The following MMS22L variants were observed in gnomAD, a reference collection of about 807,000 sequenced individuals.
MMS22L encodes protein MMS22-like.
MMS22L carries 74 observed loss-of-function variants against 159.1 expected under a neutral mutation model. The ratio of observed to expected loss-of-function variants is 0.47; its 90% CI spans 0.39 to 0.56. MMS22L has a LOEUF of 0.56. Among genes scored for constraint, MMS22L ranks in the 20% least tolerant of loss-of-function variants. MMS22L has a pLI of 0.00. For missense variants in MMS22L, 1,351 were observed against 1,422.1 expected (o/e 0.95, Z 0.80); for synonymous variants, 517 against 506.9 (o/e 1.02, Z -0.27).
At chr6:97,224,989 C>G (rs1049172598) in intron 14 of MMS22L, among the ~76,000 whole-genome samples, 3 of 151,928 alleles carry the variant, frequency 2.0e-5, no homozygotes, top group Admixed American at 2.0e-4. Context: ...GTCTGAGTGC[C>G]AGTTCTGAAA....
upstream of MMS22L, among the ~76,000 whole-genome samples, chr6:97,284,026 C>G (rs755284914): frequency 2.6e-5 from 4 of 151,984 alleles, no homozygotes; most frequent in Non-Finnish European, 5.9e-5. Flanking sequence ...GTAACAGTAC[C>G]TGCTTACATT....
At position 97,272,964 on chromosome 6, in the gene MMS22L, T is replaced by C; in HGVS notation, c.428+11A>G. 1 of 1,610,378 alleles carries C rather than the reference T, an allele frequency of 6.2e-7. No individual in the cohort carries two copies. Among genetic ancestry groups the C allele is most frequent in the East Asian group, 2.2e-5 (1 of 44,854 alleles). On this transcript the variant is annotated intron_variant, in intron 5 of 24. Transcript: ENST00000683635. ...TCATGCAGTGATCAAAATACTCATC[T>C]GATATCCTACCTGAAGATGAAAACT... is the stretch of plus-strand genomic sequence containing the variant.
chr6:97,254,614 A>G lies in MMS22L; in HGVS notation c.1062T>C (p.Ile354=), dbSNP rs1813592434. 1 of 1,613,670 alleles carries G rather than the reference A, an allele frequency of 6.2e-7. No homozygotes were observed. The highest frequency in any genetic ancestry group is 1.1e-5 in the South Asian group (1 of 91,044). Residue 354 remains isoleucine (I), a synonymous_variant, in exon 10 of 25, where the codon ATT becomes ATC. Coordinates refer to ENST00000683635, the MANE Select transcript of MMS22L (RefSeq NM_001350599.2). ...SRDPLGFSWW[I]ITHVASFYKF... is the part of the protein sequence containing the mutation. ...TGTAAAATGATGCTACATGAGTAAT[A>G]ATCCACCAACTAAAACCTAATGGAT...
At chr6:97,202,784 G>A (rs143810333) in intron 14 of MMS22L, among the ~76,000 whole-genome samples, 44 of 152,144 alleles carry the variant, frequency 2.9e-4, no homozygotes, top group Middle Eastern at 3.4e-3. Context: ...GTACCTAATA[G>A]TAAAATAAGA....
Position 97,168,094 on chromosome 6 carries a change from T to C in MMS22L, c.2986A>G (p.Lys996Glu), listed in dbSNP as rs142032648. 6.2e-6 allele frequency: 10 copies of C among 1,610,742 alleles called. No individual in the cohort carries two copies. The highest frequency in any genetic ancestry group is 8.5e-6 in the Non-Finnish European group (10 of 1,178,658). ...LPAPMLSAIQ[K>E]SLPLYLQGMC... ...ACCTGGAGATACAAAGGAAGACTTT[T>C]CTGAATTGCTGACAACATAGGTGCA... The change falls in exon 20 of 25, where the codon AAA (lysine) becomes GAA (glutamate). Residue 996 changes from lysine (K) to glutamate (E), a missense_variant. By Grantham distance (56) the Lys-to-Glu change is moderately conservative. Transcript: ENST00000683635.
Position 97,272,947 on chromosome 6 carries a change from T to C in MMS22L, c.428+28A>G, listed in dbSNP as rs760895372. ...TGAATACACACAGAAATTCATGCAG[T>C]GATCAAAATACTCATCTGATATCCT... On this transcript the variant is annotated intron_variant, in intron 5 of 24. Coordinates refer to ENST00000683635, the MANE Select transcript of MMS22L (RefSeq NM_001350599.2). The C allele has an allele frequency of 3.1e-5, 49 of 1,606,356 alleles. No individual in the cohort carries two copies. In the Admixed American group the frequency reaches 8.4e-4, roughly 27 times the overall value.
intron 14 of MMS22L, among the ~76,000 whole-genome samples, chr6:97,226,705 A>G (rs766201545): frequency 2.4e-4 from 36 of 152,130 alleles, no homozygotes; most frequent in Non-Finnish European, 5.9e-5. Context: ...TAGTGTGTGT[A>G]TATATATGTA....
At chr6:97,187,919 A>G (rs1226352647) in intron 14 of MMS22L, among the ~76,000 whole-genome samples, 1 of 152,210 alleles carries the variant, frequency 6.6e-6, no homozygotes, top group East Asian at 1.9e-4. Context: ...ATTCCTGGAA[A>G]ATTATGGGAT....
At chr6:97,210,294 C>A (rs1808237978) in intron 14 of MMS22L, among the ~76,000 whole-genome samples, 1 of 151,810 alleles carries the variant, frequency 6.6e-6, no homozygotes, top group African/African-American at 2.4e-5. Context: ...AATAAGTGAA[C>A]AGAATCAGGT....
rs1371440033 is a variant in MMS22L, at chr6:97,145,523, A to G, written c.*1283T>C. The stretch of plus-strand genomic sequence containing the variant: ...TAAGAAAACATTGGAAAGTGGGATC[A>G]TTCATCTGGGACATATCATTAGAGA... On this transcript the variant is annotated 3_prime_UTR_variant, in exon 25 of 25. Transcript: ENST00000683635. 1.3e-5 allele frequency: 2 copies of G among 152,202 alleles called. No homozygotes were observed. The highest frequency in any genetic ancestry group is 2.4e-5 in the African/African-American group (1 of 41,440). 9.4% of individuals were successfully genotyped at this position (152,202 alleles called of 1,614,324 possible).
intron 14 of MMS22L, among the ~76,000 whole-genome samples, chr6:97,197,057 C>CAA (rs1159661161): frequency 6.7e-6 from 1 of 150,086 alleles, no homozygotes; most frequent in South Asian, 2.1e-4. Flanking sequence ...AGTTAACACA[C>CAA]ACAAAAAAAA....
chr6:97,281,079 C>A (rs1186418276), intron 3 of MMS22L, among the ~76,000 whole-genome samples, 158 bp downstream of exon 3: 2 of 152,172 alleles, frequency 1.3e-5, no homozygotes, highest in African/African-American at 4.8e-5. Flanking sequence ...ACTCATCAGG[C>A]ATTGCTGCTT....
At chr6:97,210,581 C>T (rs925378232) in intron 14 of MMS22L, among the ~76,000 whole-genome samples, 1 of 151,886 alleles carries the variant, frequency 6.6e-6, no homozygotes, top group Non-Finnish European at 1.5e-5. Context: ...CCCACTAGTA[C>T]ATTCTAAATG....
intron 14 of MMS22L, among the ~76,000 whole-genome samples, chr6:97,191,124 G>T (rs765102005): frequency 6.6e-6 from 1 of 151,718 alleles, no homozygotes; most frequent in Non-Finnish European, 1.5e-5. Context: ...TATCCATTTT[G>T]CCCCCACCTC....
chr6:97,216,712 C>T (rs970707684), intron 14 of MMS22L, among the ~76,000 whole-genome samples: 1 of 152,166 alleles, frequency 6.6e-6, no homozygotes, highest in Non-Finnish European at 1.5e-5. Context: ...AAACTCATTG[C>T]TGAATTTCAT....
chr6:97,159,210 G>A (rs1436817400), intron 22 of MMS22L, among the ~76,000 whole-genome samples: 2 of 151,646 alleles, frequency 1.3e-5, no homozygotes, highest in Non-Finnish European at 2.9e-5. Context: ...ATTGAGATGG[G>A]TCTCTTGAAT....
chr6:97,150,085 G>A (rs1801172515), intron 23 of MMS22L, 65 bp from the exon 24 acceptor site: 3 of 1,319,400 alleles, frequency 2.3e-6, no homozygotes, highest in East Asian at 2.4e-5. Flanking sequence ...GTATCTACGT[G>A]GCAATCAACT....
chr6:97,197,219 G>T (rs1359782450), intron 14 of MMS22L, among the ~76,000 whole-genome samples: 1 of 152,186 alleles, frequency 6.6e-6, no homozygotes, highest in Non-Finnish European at 1.5e-5. Context: ...TCGTAGGTTA[G>T]TAATTTCTAA....
At chr6:97,185,593 T>G (rs188629930) in intron 15 of MMS22L, among the ~76,000 whole-genome samples, 122 of 152,254 alleles carry the variant, frequency 8.0e-4, no homozygotes, top group African/African-American at 2.7e-3. Flanking sequence ...GTTGGAAAAT[T>G]GTTGTCCTGT....
Sources: allele counts gnomAD v4.1 joint callset (sites outside exome capture counted in the v4.1 genomes callset), GRCh38; gene constraint gnomAD v4.1.1; transcripts MANE v1.5; gene names NCBI Gene and HGNC (gene_info 2026-07-23, HGNC 2026-07-21).